ZNF609: variants seen among roughly 807,000 people sequenced by gnomAD.
The protein encoded by ZNF609 is zinc finger protein 609.
In ZNF609, 11 loss-of-function variants were observed where a neutral mutation model predicts 109.5. That is an observed-to-expected ratio of 0.10 (90% CI 0.06 to 0.17). ZNF609 has a LOEUF of 0.17. Ranked by LOEUF, ZNF609 falls within the 10% of genes least tolerant of loss-of-function variation. The pLI is 1.00. For missense variants in ZNF609, 1,559 were observed against 1,772.4 expected (o/e 0.88, Z 2.16); for synonymous variants, 646 against 662.0 (o/e 0.98, Z 0.37).
rs557737454 is a variant in ZNF609 at position 64,647,921 on chromosome 15, C to T, written c.974-22425C>T. Among the ~76,000 whole-genome samples, 5 of 152,250 alleles carry T rather than the reference C, an allele frequency of 3.3e-5. No homozygotes were observed. In the East Asian group the frequency reaches 9.6e-4, roughly 29 times the overall value. On this transcript the variant is annotated intron_variant, in intron 3 of 9. Transcript: ENST00000326648. ...TGCCTACTTGGACATTTTCTTTTTG[C>T]TTCTTCCACCTGTTCTGTGTGTCTT...
chr15:64,672,907 T>C (rs567658329), intron 4 of ZNF609, among the ~76,000 whole-genome samples: 2 of 145,298 alleles, frequency 1.4e-5, no homozygotes, highest in African/African-American at 5.2e-5. Flanking sequence ...GAGGTTACAG[T>C]GAGCCGAGAT....
intron 2 of ZNF609, among the ~76,000 whole-genome samples, chr15:64,511,200 G>A (rs562152285): frequency 2.6e-5 from 4 of 151,846 alleles, no homozygotes; most frequent in South Asian, 4.2e-4. Context: ...GGCCAGGCTC[G>A]GTGGCTCACA....
chr15:64,637,092 A>G (rs1896187857), intron 3 of ZNF609, among the ~76,000 whole-genome samples: 1 of 152,062 alleles, frequency 6.6e-6, no homozygotes, highest in African/African-American at 2.4e-5. Context: ...CAGGTAACCA[A>G]TCTCATTGTT....
chr15:64,568,995 C>T (rs1177587756), intron 2 of ZNF609, among the ~76,000 whole-genome samples: 4 of 152,204 alleles, frequency 2.6e-5, no homozygotes, highest in Non-Finnish European at 5.9e-5. Context: ...TCTAGCCACA[C>T]TGGCCTTCTT....
intron 3 of ZNF609, among the ~76,000 whole-genome samples, chr15:64,651,995 A>T (rs1225199668): frequency 2.0e-5 from 3 of 152,178 alleles, no homozygotes; most frequent in Non-Finnish European, 4.4e-5. Context: ...AAAAAAAAAA[A>T]AACTTAAGAC....
At chr15:64,544,317 T>C (rs1435834863) in intron 2 of ZNF609, among the ~76,000 whole-genome samples, 1 of 152,154 alleles carries the variant, frequency 6.6e-6, no homozygotes, top group Admixed American at 6.5e-5. Flanking sequence ...TCAGCCTGGG[T>C]GACAGAGTGA....
At chr15:64,571,785 T>G (rs1219759578) in intron 2 of ZNF609, among the ~76,000 whole-genome samples, 2 of 152,180 alleles carry the variant, frequency 1.3e-5, no homozygotes, top group African/African-American at 4.8e-5. Context: ...TTCTCCTGCC[T>G]CAGCCTCCCA....
At chr15:64,479,598 G>C (rs1324323393) in intron 1 of ZNF609, among the ~76,000 whole-genome samples, 1 of 151,794 alleles carries the variant, frequency 6.6e-6, no homozygotes, top group South Asian at 2.1e-4. Flanking sequence ...GCCCGTACCT[G>C]TGTGATCTTA....
rs1031875286 is a variant in ZNF609, at chr15:64,581,695, T to C, written c.748-41132T>C. Among the ~76,000 whole-genome samples the C allele has an allele frequency of 2.6e-5, 4 of 152,160 alleles. 1 individual carries two copies. The East Asian group carries it at 7.7e-4, about 29-fold the overall frequency. ...GCTTTTTCACTGTGATTGCAGGCTTTTGATTTTTCAGAGCAGGAGATGGGA... is the reference window on the plus strand; with the variant it reads ...GCTTTTTCACTGTGATTGCAGGCTTCTGATTTTTCAGAGCAGGAGATGGGA... On this transcript the variant is annotated intron_variant, in intron 2 of 9. Transcript: ENST00000326648.
chr15:64,576,323 T>C (rs886636170), intron 2 of ZNF609, among the ~76,000 whole-genome samples: 2 of 152,144 alleles, frequency 1.3e-5, no homozygotes, highest in South Asian at 4.1e-4. Context: ...CATGAGGCTT[T>C]CTTTAAACAT....
chr15:64,662,313 C>T (rs572132535), intron 3 of ZNF609, among the ~76,000 whole-genome samples: 96 of 152,248 alleles, frequency 6.3e-4, no homozygotes, highest in African/African-American at 2.2e-3. Context: ...CTAAAGGCAG[C>T]TCACACTCCA....
Position 64,675,322 on chromosome 15 carries a change from C to G in ZNF609, c.2468C>G (p.Thr823Ser). 1 of 1,614,094 alleles carries G rather than the reference C, an allele frequency of 6.2e-7. No individual in the cohort carries two copies. Among genetic ancestry groups the G allele is most frequent in the Non-Finnish European group, 8.5e-7 (1 of 1,179,980 alleles). Reference protein sequence around the residue: ...LENTTPTQPLTPLHVVTQNGA... With the variant: ...LENTTPTQPLSPLHVVTQNGA... ...AACACTACCCCTACTCAGCCCCTGA[C>G]TCCCTTACATGTGGTGACCCAGAAT... The change falls in exon 5 of 10, where the codon ACT (threonine) becomes AGT (serine). Residue 823 changes from threonine (T) to serine (S), a missense_variant. Physicochemically the swap from Thr to Ser is moderately conservative, Grantham distance 58 (BLOSUM62 1). Coordinates refer to ENST00000326648, the MANE Select transcript of ZNF609 (RefSeq NM_015042.2).
chr15:64,661,383 C>G (rs1249620227), intron 3 of ZNF609, among the ~76,000 whole-genome samples: 1 of 152,182 alleles, frequency 6.6e-6, no homozygotes, highest in Non-Finnish European at 1.5e-5. Flanking sequence ...TACTTGAGAA[C>G]AGTGTCTGGC....
At chr15:64,598,418 T>G (rs541095946) in intron 2 of ZNF609, among the ~76,000 whole-genome samples, 3 of 152,116 alleles carry the variant, frequency 2.0e-5, no homozygotes, top group Non-Finnish European at 4.4e-5. Flanking sequence ...ATCCAGCCTC[T>G]ATCTGCTGAT....
chr15:64,638,986 G>T (rs1896216933), intron 3 of ZNF609, among the ~76,000 whole-genome samples: 1 of 151,782 alleles, frequency 6.6e-6, no homozygotes, highest in Admixed American at 6.6e-5. Flanking sequence ...GGAACCAGGT[G>T]CAGTGGCTCA....
At chr15:64,538,046 C>A (rs1016073346) in intron 2 of ZNF609, among the ~76,000 whole-genome samples, 14 of 151,434 alleles carry the variant, frequency 9.2e-5, no homozygotes, top group Non-Finnish European at 1.6e-4. Context: ...GCGGAAGTTG[C>A]GGTGAGCCGA....
upstream of ZNF609, among the ~76,000 whole-genome samples, chr15:64,460,546 C>G (rs182972762): frequency 6.6e-6 from 1 of 152,110 alleles, no homozygotes; most frequent in East Asian, 1.9e-4. Flanking sequence ...GAGGGCCTGG[C>G]AGTCCAGTGT....
chr15:64,593,835 T>G (rs997286575), intron 2 of ZNF609, among the ~76,000 whole-genome samples: 14 of 152,230 alleles, frequency 9.2e-5, no homozygotes, highest in African/African-American at 3.1e-4. Flanking sequence ...CAGAACATTC[T>G]GATGATTCAA....
At chr15:64,504,394 T>G (rs1360696363) in intron 2 of ZNF609, among the ~76,000 whole-genome samples, 1 of 152,210 alleles carries the variant, frequency 6.6e-6, no homozygotes, top group Non-Finnish European at 1.5e-5. Flanking sequence ...TCTTATGGCA[T>G]GTTGTTACTC....
Sources: gnomAD v4.1 joint callset for allele counts (sites outside exome capture counted in the v4.1 genomes callset) on GRCh38, gnomAD v4.1.1 for gene constraint, MANE v1.5 for transcripts, NCBI Gene and HGNC (gene_info 2026-07-23, HGNC 2026-07-21) for gene names.